Variants in GAP43 observed in about 807,000 individuals in gnomAD.
The protein encoded by GAP43 is neuromodulin.
A neutral mutation model predicts 18.6 loss-of-function variants in GAP43; 6 were observed. That is an observed-to-expected ratio of 0.32 (90% CI 0.18 to 0.64). The LOEUF (loss-of-function observed/expected upper bound fraction) is 0.64, where lower values mean the gene tolerates loss of function less well. Ranked by LOEUF, GAP43 falls within the 30% of genes least tolerant of loss-of-function variation. The pLI is 0.78. For synonymous variants in GAP43, 115 were observed against 111.4 expected, an observed-to-expected ratio of 1.03 and a Z score of -0.20; for missense variants, 292 against 295.5, an observed-to-expected ratio of 0.99 and a Z score of 0.09.
chr3:115,630,869 A>G (rs954065381), intron 1 of GAP43, among the ~76,000 whole-genome samples: 3 of 152,234 alleles, frequency 2.0e-5, no homozygotes, highest in African/African-American at 7.2e-5. Flanking sequence ...ACTTATAGAC[A>G]AAACAGGTAT....
In GAP43 at chr3:115,688,729, G is replaced by C. The variant is rs550906122; in HGVS notation, c.628+12119G>C. Reference sequence around the variant, plus strand: ...TAACATCACAACGTGACACAATTCAGCTGGGTAAAAGGGATAGGTCCCATA... The same window carrying C: ...TAACATCACAACGTGACACAATTCACCTGGGTAAAAGGGATAGGTCCCATA... On this transcript the variant is annotated intron_variant, in intron 2 of 2. Transcript: ENST00000305124. Among the ~76,000 whole-genome samples, 28 of 152,262 alleles carry C rather than the reference G, an allele frequency of 1.8e-4. No individual in the cohort carries two copies. The South Asian group carries it at 5.8e-3, about 32-fold the overall frequency.
intron 2 of GAP43, among the ~76,000 whole-genome samples, chr3:115,692,558 TC>T (rs1455990953): frequency 6.6e-6 from 1 of 152,118 alleles, no homozygotes; most frequent in Non-Finnish European, 1.5e-5. Context: ...GCAAAGGAAT[TC>T]AGAGACCACG....
At chr3:115,672,082 T>A (rs962434824) in intron 1 of GAP43, among the ~76,000 whole-genome samples, 1 of 152,204 alleles carries the variant, frequency 6.6e-6, no homozygotes, top group Admixed American at 6.5e-5. Flanking sequence ...TTATGGATTA[T>A]CTACTACAAG....
In GAP43 at chr3:115,663,005, C is replaced by G. The variant is rs192994981; in HGVS notation, c.31-13008C>G. ...AACTAAATAAAAGGGAATTTTCTTT[C>G]TTTGATGGCTCCAAAGGGTTCGGTG... is the stretch of plus-strand genomic sequence containing the variant. On this transcript the variant is annotated intron_variant, in intron 1 of 2. Transcript: ENST00000305124. Among the ~76,000 whole-genome samples the G allele has an allele frequency of 2.2e-4, 33 of 152,218 alleles. No homozygotes were observed. The East Asian group carries it at 6.4e-3, about 29-fold the overall frequency.
At chr3:115,684,346 T>A (rs1220538573) in intron 2 of GAP43, among the ~76,000 whole-genome samples, 3 of 152,142 alleles carry the variant, frequency 2.0e-5, no homozygotes, top group Non-Finnish European at 4.4e-5. Flanking sequence ...GTCTCTCAGA[T>A]AAAGTGGAGA....
At chr3:115,689,992 A>G (rs1191754308) in intron 2 of GAP43, among the ~76,000 whole-genome samples, 1 of 152,254 alleles carries the variant, frequency 6.6e-6, no homozygotes, top group East Asian at 1.9e-4. Flanking sequence ...ACCAAGAGAC[A>G]GCCGTGGTTT....
At chr3:115,713,150 G>T (rs1193634643) in intron 2 of GAP43, among the ~76,000 whole-genome samples, 1 of 152,198 alleles carries the variant, frequency 6.6e-6, no homozygotes, top group Non-Finnish European at 1.5e-5. Context: ...AGGGCCATAT[G>T]TGAGTTAGCT....
intron 2 of GAP43, among the ~76,000 whole-genome samples, chr3:115,689,414 C>T (rs1015412191): frequency 2.0e-5 from 3 of 152,136 alleles, no homozygotes; most frequent in Non-Finnish European, 4.4e-5. Flanking sequence ...TGGATTGCAC[C>T]TATGGAGAGA....
chr3:115,716,033 A>T (rs891325697), intron 2 of GAP43, among the ~76,000 whole-genome samples: 1 of 152,222 alleles, frequency 6.6e-6, no homozygotes, highest in African/African-American at 2.4e-5. Context: ...ATACAGGTAC[A>T]CTTCGCACTG....
At chr3:115,627,806 T>G (rs1261744644) in intron 1 of GAP43, among the ~76,000 whole-genome samples, 2 of 152,156 alleles carry the variant, frequency 1.3e-5, no homozygotes, top group Non-Finnish European at 2.9e-5. Flanking sequence ...CCCTTTTCAA[T>G]TTGTGAAGTG....
intron 1 of GAP43, among the ~76,000 whole-genome samples, chr3:115,661,630 A>G (rs1259062550): frequency 6.6e-6 from 1 of 152,008 alleles, no homozygotes; most frequent in Admixed American, 6.5e-5. Context: ...CCGGGACTAC[A>G]GGCACCCGCC....
chr3:115,651,780 A>G (rs982028045), intron 1 of GAP43, among the ~76,000 whole-genome samples: 13 of 151,940 alleles, frequency 8.6e-5, no homozygotes, highest in Admixed American at 5.9e-4. Context: ...TGGCCTTGTA[A>G]TTTATATTTG....
chr3:115,720,651 G>T, intron 2 of GAP43, 143 bp from the exon 3 acceptor site: 1 of 549,910 alleles, frequency 1.8e-6, no homozygotes. Context: ...TACATTAACT[G>T]GGATATTAAT....
chr3:115,679,629 C>T (rs974525666), intron 2 of GAP43, among the ~76,000 whole-genome samples: 3 of 152,140 alleles, frequency 2.0e-5, no homozygotes, highest in Non-Finnish European at 4.4e-5. Context: ...TCCTTGGGGT[C>T]TCCTGCTGAG....
chr3:115,694,729 AT>A (rs1249437662), intron 2 of GAP43, among the ~76,000 whole-genome samples: 1 of 152,216 alleles, frequency 6.6e-6, no homozygotes, highest in African/African-American at 2.4e-5. Context: ...ATTTTTCAAC[AT>A]GCGTATCCTC....
chr3:115,714,609 T>G (rs71323408), intron 2 of GAP43, among the ~76,000 whole-genome samples: 5 of 152,048 alleles, frequency 3.3e-5, no homozygotes, highest in Non-Finnish European at 5.9e-5. Flanking sequence ...ATTTGAAAAA[T>G]TTGTGTCTTG....
rs1025919951 is a variant in GAP43, at chr3:115,666,221, A to G, written c.31-9792A>G. ...GTGGGACTGTGGTTTAACTTTGACA[A>G]TGTAAACAGATCTTCCCCCTTCCCA... is the stretch of plus-strand genomic sequence containing the variant. On this transcript the variant is annotated intron_variant, in intron 1 of 2. Coordinates refer to ENST00000305124, the MANE Select transcript of GAP43 (RefSeq NM_002045.4). 2.6e-5 allele frequency among the ~76,000 whole-genome samples: 4 copies of G among 152,220 alleles called. No homozygotes were observed. The South Asian group carries it at 6.2e-4, about 24-fold the overall frequency.
Position 115,623,561 on chromosome 3 carries a change from G to GGAGA in GAP43, c.-123_-120dup, listed in dbSNP as rs1708140758. On this transcript the variant is annotated 5_prime_UTR_variant, in exon 1 of 3. Transcript: ENST00000305124. ...GTGTGAGGGAGAGAGAGGGAGGGAG[G>GGAGA]GAGAGAGAGCGCGCTAGCGCGAGAG... 1.7e-6 allele frequency: 2 copies of GGAGA among 1,189,752 alleles called. No homozygotes were observed. The highest frequency in any genetic ancestry group is 5.0e-5 in the East Asian group (2 of 39,670). The allele number at this position is 1,189,752 out of a possible 1,614,324, so 73.7% of individuals were successfully genotyped here. A position where few individuals can be genotyped will look rare whatever the true frequency, so the allele number is the denominator to read the frequency against.
At chr3:115,654,908 T>G (rs1708561725) in intron 1 of GAP43, among the ~76,000 whole-genome samples, 1 of 152,142 alleles carries the variant, frequency 6.6e-6, no homozygotes, top group Non-Finnish European at 1.5e-5. Context: ...GAGGTGATTT[T>G]TAAAGAATAT....
Sources: gnomAD v4.1 joint callset for allele counts (sites outside exome capture counted in the v4.1 genomes callset) on GRCh38, gnomAD v4.1.1 for gene constraint, MANE v1.5 for transcripts, NCBI Gene and HGNC (gene_info 2026-07-23, HGNC 2026-07-21) for gene names.